Variants in PYROXD2 observed in about 807,000 individuals in gnomAD.
The protein encoded by PYROXD2 is pyridine nucleotide-disulphide oxidoreductase domain 2.
PYROXD2 carries 69 observed loss-of-function variants against 71.1 expected under a neutral mutation model. That is an observed-to-expected ratio of 0.97 (90% CI 0.80 to 1.19). The LOEUF (loss-of-function observed/expected upper bound fraction) is 1.19. Among genes scored for constraint, PYROXD2 ranks in the 50% most tolerant of loss-of-function variants. The pLI, the probability that PYROXD2 is intolerant of heterozygous loss-of-function variation, is 0.00. For missense variants in PYROXD2, 745 were observed against 748.9 expected, an observed-to-expected ratio of 0.99 and a Z score of 0.06; for synonymous variants, 287 against 302.7, an observed-to-expected ratio of 0.95 and a Z score of 0.54.
At chr10:98,385,529 C>G (rs959390587) in intron 14 of PYROXD2, among the ~76,000 whole-genome samples, 2 of 152,234 alleles carry the variant, frequency 1.3e-5, no homozygotes, top group African/African-American at 2.4e-5. Flanking sequence ...GTTCTGCCCC[C>G]CTGGCTTGGG....
chr10:98,401,253 C>CAAA (rs751517406), intron 4 of PYROXD2, among the ~76,000 whole-genome samples: 26 of 45,570 alleles, frequency 5.7e-4, no homozygotes, highest in African/African-American at 1.4e-3. Context: ...GACTCTGTCT[C>CAAA]AAAAAAAAAA....
rs188020959 is a variant in PYROXD2 at position 98,388,314 on chromosome 10, C to G, written c.1447+40G>C. On this transcript the variant is annotated intron_variant, in intron 13 of 15. Coordinates refer to ENST00000370575, the MANE Select transcript of PYROXD2 (RefSeq NM_032709.3). ...AGCAGGCCCAGTTGGGTCGCATGCC[C>G]GGCTGTGGCTCTGGAGGCAGAACGT... The G allele has an allele frequency of 4.3e-6, 7 of 1,610,330 alleles. No individual in the cohort carries two copies. In the Admixed American group the frequency reaches 1.0e-4, roughly 23 times the overall value.
chr10:98,398,858 G>A (rs532501065), intron 5 of PYROXD2, among the ~76,000 whole-genome samples: 13 of 152,050 alleles, frequency 8.5e-5, no homozygotes, highest in East Asian at 3.9e-4. Flanking sequence ...TCCTCAGGCC[G>A]GGTGTGGTGG....
Position 98,391,017 on chromosome 10 carries a change from CT to C in PYROXD2, c.1127del (p.Lys376ArgfsTer6). 1 of 1,611,486 alleles carries C rather than the reference CT, an allele frequency of 6.2e-7. No homozygotes were observed. Among genetic ancestry groups the C allele is most frequent in the Non-Finnish European group, 8.5e-7 (1 of 1,177,702 alleles). On this transcript the variant is annotated frameshift_variant, in exon 11 of 16. Coordinates refer to ENST00000370575, the MANE Select transcript of PYROXD2 (RefSeq NM_032709.3). LOFTEE classifies it high-confidence loss of function. ...SQLDTRSPVT[K>X]INVAVDRLPS... Reference sequence around the variant, plus strand: ...ATGTGGTGTGCCTCTTACCATTGATCTTGGTGACAGGCGACCGGGTGTCCAG... The same window carrying C: ...ATGTGGTGTGCCTCTTACCATTGATCTGGTGACAGGCGACCGGGTGTCCAG...
intron 4 of PYROXD2, among the ~76,000 whole-genome samples, chr10:98,407,152 TTCCAAAAAGCCCGG>T (rs1843624457): frequency 6.6e-6 from 1 of 151,974 alleles, no homozygotes; most frequent in Non-Finnish European, 1.5e-5. Flanking sequence ...CCCAGGAACC[TTCCAAAAAGCCCGG>T]GAGCCAGAAA....
intron 6 of PYROXD2, among the ~76,000 whole-genome samples, chr10:98,396,475 T>TTC (rs890272663): frequency 6.6e-6 from 1 of 152,050 alleles, no homozygotes; most frequent in African/African-American, 2.4e-5. Context: ...CAAATGATTT[T>TTC]TTTTCTAGGA....
At position 98,410,951 on chromosome 10, in the gene PYROXD2, G is replaced by A. The variant is rs147124694; in HGVS notation, c.135C>T (p.Asn45=). The A allele has an allele frequency of 1.7e-3, 2,587 of 1,563,888 alleles. 8 individuals carry two copies. Among genetic ancestry groups the A allele is most frequent in the African/African-American group, 9.6e-3 (716 of 74,240 alleles). Reference sequence around the variant, plus strand: ...GGGAGGTACTCACAGCCACCAGTCCGTTGTGTCCTGCAACAAAACGGGACA... The same window carrying A: ...GGGAGGTACTCACAGCCACCAGTCCATTGTGTCCTGCAACAAAACGGGACA... ...YDAVVIGAGH[N]GLVAAAYLQR... Residue 45 remains asparagine, a synonymous_variant, in exon 2 of 16, where the codon AAC becomes AAT. Coordinates refer to ENST00000370575, the MANE Select transcript of PYROXD2 (RefSeq NM_032709.3).
At chr10:98,405,596 G>A (rs78469791) in intron 4 of PYROXD2, among the ~76,000 whole-genome samples, 2,514 of 152,314 alleles carry the variant, frequency 0.017, 76 homozygotes, top group African/African-American at 0.056. Context: ...AAGGCACCAC[G>A]TGGTGAAATC....
Position 98,393,155 on chromosome 10 carries a change from T to A in PYROXD2, c.786-72A>T, listed in dbSNP as rs891876156. Reference sequence around the variant, plus strand: ...TCCCCAGAGTTCCAGGTGCAACTATTCCTTTCCATCTTGATCTTCAGCCCT... The same window carrying A: ...TCCCCAGAGTTCCAGGTGCAACTATACCTTTCCATCTTGATCTTCAGCCCT... On this transcript the variant is annotated intron_variant, in intron 8 of 15. Coordinates refer to ENST00000370575, the MANE Select transcript of PYROXD2 (RefSeq NM_032709.3). 3.0e-5 allele frequency: 36 copies of A among 1,202,880 alleles called. No homozygotes were observed. In the African/African-American group the frequency reaches 5.3e-4, roughly 18 times the overall value. 74.5% of individuals were successfully genotyped at this position (1,202,880 alleles called of 1,614,324 possible).
chr10:98,384,663 C>T (rs940001809), intron 15 of PYROXD2, among the ~76,000 whole-genome samples: 2 of 152,188 alleles, frequency 1.3e-5, no homozygotes, highest in African/African-American at 4.8e-5. Context: ...TCTCTCACAA[C>T]CCCACATTGG....
intron 6 of PYROXD2, among the ~76,000 whole-genome samples, 198 bp from the exon 7 acceptor site, chr10:98,395,650 C>A (rs562479295): frequency 1.4e-4 from 22 of 152,328 alleles, no homozygotes; most frequent in Admixed American, 2.6e-4. Flanking sequence ...ACATTTTTAA[C>A]ATCTCTGAAC....
chr10:98,410,426 C>G (rs1325161122), intron 2 of PYROXD2, among the ~76,000 whole-genome samples: 2 of 152,180 alleles, frequency 1.3e-5, no homozygotes, highest in Non-Finnish European at 2.9e-5. Context: ...AGGGCACAGG[C>G]CCTTCTGCTA....
At chr10:98,405,284 GGGGACCACAGCGGGTCAGTGGA>G (rs1466468124) in intron 4 of PYROXD2, among the ~76,000 whole-genome samples, 18 of 152,192 alleles carry the variant, frequency 1.2e-4, no homozygotes, top group African/African-American at 4.3e-4. Context: ...AGGCCCTGGT[GGGGACCACAGCGGGTCAGTGGA>G]GGGTGCTTTG....
intron 1 of PYROXD2, 49 bp from the exon 2 acceptor site, chr10:98,411,007 G>A: frequency 6.4e-7 from 1 of 1,553,286 alleles, no homozygotes; most frequent in Non-Finnish European, 8.7e-7. Flanking sequence ...TCAGCGGGCG[G>A]GCAGACAGAC....
In PYROXD2 at chr10:98,383,713, A is replaced by G. The variant is rs1842660474; in HGVS notation, c.*85T>C. ...GTGGTGGCCTTATGTACTAACCCGA[A>G]GCTGAACTTCCTGGGAAGCTGATCC... On this transcript the variant is annotated 3_prime_UTR_variant, in exon 16 of 16. Transcript: ENST00000370575. The G allele has an allele frequency of 3.4e-6, 4 of 1,178,716 alleles. No homozygotes were observed. The South Asian group carries it at 3.6e-5, about 11-fold the overall frequency. The allele number at this position is 1,178,716 out of a possible 1,614,324, so 73.0% of individuals were successfully genotyped here.
intron 4 of PYROXD2, among the ~76,000 whole-genome samples, chr10:98,400,812 T>G (rs1843371278): frequency 6.6e-6 from 1 of 152,198 alleles, no homozygotes; most frequent in African/African-American, 2.4e-5. Context: ...CATCACAGTT[T>G]GAGCATCACA....
At chr10:98,413,360 T>A (rs1016468889) in intron 1 of PYROXD2, among the ~76,000 whole-genome samples, 5 of 152,194 alleles carry the variant, frequency 3.3e-5, no homozygotes, top group African/African-American at 1.2e-4. Flanking sequence ...AGCACAAAAA[T>A]TGAAGGAAAT....
Position 98,400,212 on chromosome 10 carries a change from G to C in PYROXD2, c.361C>G (p.Pro121Ala), listed in dbSNP as rs750974604. Residue 121 changes from proline to alanine, a missense_variant, in exon 5 of 16, where the codon CCC becomes GCC. Transcript: ENST00000370575. ...CTGCCTGCACCCTCTTCCAGCATGG[G>C]GGTGAAGGAGTAGGGGTTTCGAAGA... ...LHLRNPYSFT[P>A]MLEEGAGSKV... 5.6e-5 allele frequency: 90 copies of C among 1,612,758 alleles called. No individual in the cohort carries two copies. Among genetic ancestry groups the C allele is most frequent in the Non-Finnish European group, 6.5e-5 (77 of 1,179,440 alleles).
intron 13 of PYROXD2, 43 bp from the exon 14 acceptor site, chr10:98,387,350 AGAG>A (rs1393714404): frequency 1.4e-6 from 2 of 1,434,236 alleles, no homozygotes; most frequent in Admixed American, 1.7e-5. Context: ...GTTAGGAAGA[AGAG>A]GAGGCACTAT....
Sources: allele counts gnomAD v4.1 joint callset (sites outside exome capture counted in the v4.1 genomes callset), GRCh38; gene constraint gnomAD v4.1.1; transcripts MANE v1.5; gene names NCBI Gene and HGNC (gene_info 2026-07-23, HGNC 2026-07-21).